TRPC4AP: variants seen among roughly 807,000 people sequenced by gnomAD.
TRPC4AP encodes short transient receptor potential channel 4-associated protein.
TRPC4AP carries 45 observed loss-of-function variants against 99.0 expected under a neutral mutation model. That is an observed-to-expected ratio of 0.45 (90% CI 0.36 to 0.58). The LOEUF (loss-of-function observed/expected upper bound fraction) is 0.58. TRPC4AP is among the 20% of genes least tolerant of loss of function. The pLI is 0.00. For missense variants in TRPC4AP, 879 were observed against 985.3 expected, an observed-to-expected ratio of 0.89 and a Z score of 1.44; for synonymous variants, 408 against 385.8, an observed-to-expected ratio of 1.06 and a Z score of -0.67.
chr20:35,091,308 C>CT (rs1426980247), intron 1 of TRPC4AP, among the ~76,000 whole-genome samples: 2 of 152,094 alleles, frequency 1.3e-5, no homozygotes, highest in African/African-American at 4.8e-5. Context: ...GGGAAAAAGG[C>CT]TGCTCATCTA....
intron 6 of TRPC4AP, among the ~76,000 whole-genome samples, chr20:35,048,959 G>C (rs2083628012): frequency 6.6e-6 from 1 of 152,166 alleles, no homozygotes; most frequent in African/African-American, 2.4e-5. Context: ...GCAAGGCCTG[G>C]GGAAAGCACA....
At chr20:35,016,244 G>A (rs1246290920) in intron 9 of TRPC4AP, 105 bp from the exon 10 acceptor site, 9 of 1,349,834 alleles carry the variant, frequency 6.7e-6, no homozygotes, top group South Asian at 3.9e-5. Flanking sequence ...ACAAGTATCA[G>A]TACTGTCAGT....
chr20:35,049,718 G>A (rs1171698550), intron 6 of TRPC4AP, 148 bp downstream of exon 6: 1 of 828,740 alleles, frequency 1.2e-6, no homozygotes, highest in East Asian at 2.9e-5. Flanking sequence ...AGTATAAGGG[G>A]TAATCAAGTT....
rs2085112542 is a variant in TRPC4AP, at chr20:35,092,749, TCCAGAC to T, written c.27_32del (p.Ser10_Gly11del). The T allele has an allele frequency of 6.4e-7, 1 of 1,556,130 alleles. No individual in the cohort carries two copies. Among genetic ancestry groups the T allele is most frequent in the African/African-American group, 1.4e-5 (1 of 70,778 alleles). On this transcript the variant is annotated inframe_deletion, in exon 1 of 19. Transcript: ENST00000252015. ...CTGCCGACCGTCTCCCTCGGCCGGCTCCAGACCCAGCCGCTACCGGCGCCGCCGCCA... is the reference window on the plus strand; with the variant it reads ...CTGCCGACCGTCTCCCTCGGCCGGCTCCAGCCGCTACCGGCGCCGCCGCCA...
chr20:35,050,738 C>T (rs1275257688), intron 5 of TRPC4AP, among the ~76,000 whole-genome samples: 2 of 150,744 alleles, frequency 1.3e-5, no homozygotes, highest in African/African-American at 4.9e-5. Flanking sequence ...ACAAAAAAAC[C>T]AACAACAACA....
chr20:35,037,213 G>A lies in TRPC4AP; in HGVS notation c.866-1905C>T, dbSNP rs1312999097. ...GTACAAAAAATTAGCTGGGCGCGGT[G>A]GCAGGCGCCTGTAGTCCCAGCTACT... On this transcript the variant is annotated intron_variant, in intron 7 of 18. Transcript: ENST00000252015. 2.0e-5 allele frequency among the ~76,000 whole-genome samples: 3 copies of A among 149,608 alleles called. No homozygotes were observed. The East Asian group carries it at 6.1e-4, about 30-fold the overall frequency.
At chr20:35,069,556 A>G in intron 2 of TRPC4AP, 144 bp from the exon 3 acceptor site, 1 of 600,284 alleles carries the variant, frequency 1.7e-6, no homozygotes, top group Non-Finnish European at 3.0e-6. Context: ...CCTAGTATTC[A>G]GGCCCCTGTA....
chr20:35,092,561 G>A (rs1403521407), intron 1 of TRPC4AP, 53 bp downstream of exon 1: 1 of 511,176 alleles, frequency 2.0e-6, no homozygotes, highest in Non-Finnish European at 2.9e-6. Context: ...CCGGCCCCCC[G>A]CCAGCTCCCG....
rs1338643684 is a variant in TRPC4AP at position 35,002,979 on chromosome 20, C to A, written c.*167G>T. 12 of 926,006 alleles carry A rather than the reference C, an allele frequency of 1.3e-5. No homozygotes were observed. In the East Asian group the frequency reaches 2.3e-4, roughly 18 times the overall value. The allele number at this position is 926,006 out of a possible 1,614,324, so 57.4% of individuals were successfully genotyped here. On this transcript the variant is annotated 3_prime_UTR_variant, in exon 19 of 19. Transcript: ENST00000252015. ...CTCTCCATGACCTAGGGCCCTCAGA[C>A]CCAGGGGGACCAAGGGCTTCTAGGA... is the stretch of plus-strand genomic sequence containing the variant.
chr20:35,013,182 A>T, intron 10 of TRPC4AP, 116 bp from the exon 11 acceptor site: 1 of 914,282 alleles, frequency 1.1e-6, no homozygotes, highest in Non-Finnish European at 1.7e-6. Flanking sequence ...ATGTACCATG[A>T]GGACTTTTCT....
rs987309810 is a variant in TRPC4AP at position 35,092,802 on chromosome 20, G to C, written c.-21C>G. On this transcript the variant is annotated 5_prime_UTR_variant, in exon 1 of 19. Transcript: ENST00000252015. ...GCCATGTCTCCTCGTCGGACAAACA[G>C]GAAGCAAGCGGCCTCGGGGCCGCGG... 1 of 1,501,268 alleles carries C rather than the reference G, an allele frequency of 6.7e-7. No individual in the cohort carries two copies. Among genetic ancestry groups the C allele is most frequent in the South Asian group, 1.3e-5 (1 of 79,848 alleles). The allele number at this position is 1,501,268 out of a possible 1,614,324, so 93.0% of individuals were successfully genotyped here. A position where few individuals can be genotyped will look rare whatever the true frequency, so the allele number is the denominator to read the frequency against.
At chr20:35,021,631 C>T (rs1212167409) in intron 8 of TRPC4AP, among the ~76,000 whole-genome samples, 1 of 152,164 alleles carries the variant, frequency 6.6e-6, no homozygotes, top group Non-Finnish European at 1.5e-5. Context: ...CATGACCCAT[C>T]CCTCCCTGCT....
At chr20:35,028,798 T>C (rs1342835555) in intron 8 of TRPC4AP, among the ~76,000 whole-genome samples, 1 of 152,240 alleles carries the variant, frequency 6.6e-6, no homozygotes, top group Non-Finnish European at 1.5e-5. Flanking sequence ...TTTGAACTAC[T>C]GCTCTCTTCC....
At chr20:35,043,247 A>ATT (rs1167449495) in intron 7 of TRPC4AP, among the ~76,000 whole-genome samples, 24 of 142,870 alleles carry the variant, frequency 1.7e-4, no homozygotes, top group South Asian at 2.2e-4. Flanking sequence ...GCAATGAATA[A>ATT]TTTTTTTTTT....
chr20:35,044,743 T>C, intron 6 of TRPC4AP, 31 bp from the exon 7 acceptor site: 1 of 1,605,796 alleles, frequency 6.2e-7, no homozygotes, highest in Non-Finnish European at 8.5e-7. Flanking sequence ...ACAATCCCCA[T>C]GCTCAATTCA....
At chr20:35,021,742 C>T (rs1479917134) in intron 8 of TRPC4AP, among the ~76,000 whole-genome samples, 1 of 152,168 alleles carries the variant, frequency 6.6e-6, no homozygotes, top group Non-Finnish European at 1.5e-5. Flanking sequence ...AATGGCCCTG[C>T]TTACTTGGTT....
At chr20:35,035,005 G>A in intron 8 of TRPC4AP, 118 bp downstream of exon 8, 4 of 1,110,272 alleles carry the variant, frequency 3.6e-6, no homozygotes, top group Middle Eastern at 3.0e-4. Context: ...GAATTGCCTT[G>A]AGGACAATTC....
intron 1 of TRPC4AP, among the ~76,000 whole-genome samples, chr20:35,090,402 A>T (rs2085023568): frequency 2.4e-5 from 1 of 40,834 alleles, no homozygotes; most frequent in South Asian, 6.0e-4. Context: ...TTTGAGATGA[A>T]GTCTCACTAT....
intron 9 of TRPC4AP, among the ~76,000 whole-genome samples, chr20:35,018,385 C>G (rs909352930): frequency 2.0e-5 from 3 of 152,040 alleles, no homozygotes; most frequent in African/African-American, 7.2e-5. Flanking sequence ...CACTTGAGGC[C>G]AGGAGTTTCA....
Sources: gnomAD v4.1 joint callset for allele counts (sites outside exome capture counted in the v4.1 genomes callset) on GRCh38, gnomAD v4.1.1 for gene constraint, MANE v1.5 for transcripts, NCBI Gene and HGNC (gene_info 2026-07-23, HGNC 2026-07-21) for gene names.